Variants in ADRA1A observed in about 807,000 individuals in gnomAD.
ADRA1A encodes adrenoceptor alpha 1A.
In ADRA1A, 31 loss-of-function variants were observed where a neutral mutation model predicts 29.6. The ratio of observed to expected loss-of-function variants is 1.05; its 90% confidence interval spans 0.79 to 1.41. The LOEUF is 1.41. Among genes scored for constraint, ADRA1A ranks in the 40% most tolerant of loss-of-function variants. ADRA1A has a pLI of 0.00. For missense variants in ADRA1A, 619 were observed against 601.1 expected (o/e 1.03, Z -0.31); for synonymous variants, 311 against 254.3 (o/e 1.22, Z -2.12).
chr8:26,786,960 C>T (rs1807441240), intron 2 of ADRA1A, among the ~76,000 whole-genome samples: 1 of 152,064 alleles, frequency 6.6e-6, no homozygotes, highest in African/African-American at 2.4e-5. Context: ...CATTATGTGG[C>T]AGACATCATG....
downstream of ADRA1A, chr8:26,765,930 G>A: frequency 6.7e-6 from 10 of 1,489,330 alleles, no homozygotes; most frequent in Non-Finnish European, 8.0e-6. Flanking sequence ...GAAACCTACT[G>A]GGCCAGAAGG....
intron 2 of ADRA1A, among the ~76,000 whole-genome samples, chr8:26,808,525 A>C (rs541425321): frequency 6.6e-6 from 1 of 152,222 alleles, no homozygotes; most frequent in Non-Finnish European, 1.5e-5. Context: ...GATCACTTCT[A>C]TGCTGATGAC....
chr8:26,838,299 G>C (rs1811546349), intron 2 of ADRA1A, among the ~76,000 whole-genome samples: 1 of 152,136 alleles, frequency 6.6e-6, no homozygotes, highest in Non-Finnish European at 1.5e-5. Context: ...TATATCTGAA[G>C]AAGCCAAGTT....
downstream of ADRA1A, among the ~76,000 whole-genome samples, chr8:26,751,748 C>A (rs17055906): frequency 0.073 from 11,148 of 152,290 alleles, 417 homozygotes; most frequent in Middle Eastern, 0.11. Context: ...ATTGCAACAA[C>A]AACACCTAAG....
chr8:26,835,183 T>C (rs1232017693), intron 2 of ADRA1A, among the ~76,000 whole-genome samples: 1 of 152,220 alleles, frequency 6.6e-6, no homozygotes, highest in African/African-American at 2.4e-5. Flanking sequence ...GGGAACTGGC[T>C]ACTACTTTAG....
At chr8:26,840,627 G>A (rs959093670) in intron 2 of ADRA1A, among the ~76,000 whole-genome samples, 2 of 150,738 alleles carry the variant, frequency 1.3e-5, no homozygotes, top group African/African-American at 4.9e-5. Context: ...TTTGGCAAAA[G>A]AAAAATTTAA....
At chr8:26,766,741 C>T (rs1805813594), downstream of ADRA1A, among the ~76,000 whole-genome samples, 1 of 152,068 alleles carries the variant, frequency 6.6e-6, no homozygotes, top group Non-Finnish European at 1.5e-5. Context: ...TGGGCAAGTC[C>T]TTAACCTCTT....
chr8:26,838,422 T>G (rs916963898), intron 2 of ADRA1A, among the ~76,000 whole-genome samples: 1 of 152,190 alleles, frequency 6.6e-6, no homozygotes, highest in African/African-American at 2.4e-5. Context: ...GGACAATAAC[T>G]GGAATCTCTA....
At chr8:26,850,025 C>CAAAAACAAAACAACAAAAAACA (rs1812503283) in intron 2 of ADRA1A, among the ~76,000 whole-genome samples, 2 of 121,558 alleles carry the variant, frequency 1.6e-5, no homozygotes, top group Admixed American at 8.1e-5. Context: ...GAGAGAAATG[C>CAAAAACAAAACAACAAAAAACA]AAAAACAAAA....
At chr8:26,777,927 T>TG (rs1806672327) in intron 2 of ADRA1A, among the ~76,000 whole-genome samples, 1 of 152,290 alleles carries the variant, frequency 6.6e-6, no homozygotes, top group African/African-American at 2.4e-5. Context: ...ATGGTTACTG[T>TG]GAAAAACCAT....
Position 26,865,270 on chromosome 8 carries a change from A to C in ADRA1A, c.-301T>G. The C allele has an allele frequency of 8.0e-7, 1 of 1,244,618 alleles. No individual in the cohort carries two copies. The highest frequency in any genetic ancestry group is 1.0e-6 in the Non-Finnish European group (1 of 991,172). The allele number at this position is 1,244,618 out of a possible 1,614,324, so 77.1% of individuals were successfully genotyped here. On this transcript the variant is annotated 5_prime_UTR_variant, in exon 2 of 3. It removes the in-frame stop codon of an upstream open reading frame in the 5' UTR. Coordinates refer to ENST00000380573, the MANE Select transcript of ADRA1A (RefSeq NM_000680.4). This position sits in a 1 kb window ranked among gnomAD's most constrained non-coding sequence, Gnocchi z 7.6. ...AGCCCGGGACCCGGACTCCCTCCCT[A>C]CCCGAAGCTGGGTGCGAAGATCCAG...
intron 2 of ADRA1A, among the ~76,000 whole-genome samples, chr8:26,850,213 T>C (rs547598054): frequency 1.3e-5 from 2 of 152,198 alleles, no homozygotes; most frequent in African/African-American, 2.4e-5. Flanking sequence ...GTATATATAC[T>C]TTTTAATTTA....
intron 2 of ADRA1A, among the ~76,000 whole-genome samples, chr8:26,801,556 C>T (rs995678031): frequency 2.0e-5 from 3 of 151,926 alleles, no homozygotes; most frequent in African/African-American, 7.2e-5. Context: ...TAAACTTAAC[C>T]AAAGAAGTGA....
downstream of ADRA1A, among the ~76,000 whole-genome samples, chr8:26,766,784 G>T (rs988502699): frequency 6.6e-6 from 1 of 152,114 alleles, no homozygotes; most frequent in African/African-American, 2.4e-5. Context: ...TAAAATAGGG[G>T]TAGCAGAGTT....
At chr8:26,863,962 C>T in intron 2 of ADRA1A, 125 bp downstream of exon 2, 1 of 999,944 alleles carries the variant, frequency 1.0e-6, no homozygotes, top group Non-Finnish European at 1.4e-6. Flanking sequence ...TTCTAATTGC[C>T]CTAGAGCTGT....
chr8:26,757,738 G>A (rs1805269454), intron 2 of ADRA1A, among the ~76,000 whole-genome samples: 1 of 152,160 alleles, frequency 6.6e-6, no homozygotes, highest in African/African-American at 2.4e-5. Flanking sequence ...CCCACGCCAA[G>A]AGGTGTTCAT....
At chr8:26,779,856 T>C (rs950852757) in intron 2 of ADRA1A, among the ~76,000 whole-genome samples, 1 of 152,062 alleles carries the variant, frequency 6.6e-6, no homozygotes, top group Non-Finnish European at 1.5e-5. Context: ...TTCTTAATAA[T>C]ACACGGGCCA....
chr8:26,780,298 T>G (rs1806869808), intron 2 of ADRA1A, among the ~76,000 whole-genome samples: 1 of 152,130 alleles, frequency 6.6e-6, no homozygotes, highest in Non-Finnish European at 1.5e-5. Flanking sequence ...ATGCCTATGT[T>G]GGAGGCATTT....
downstream of ADRA1A, among the ~76,000 whole-genome samples, chr8:26,752,056 C>T (rs114820505): frequency 0.01 from 1,565 of 152,130 alleles, 26 homozygotes; most frequent in African/African-American, 0.035. Flanking sequence ...CAAAATGCCA[C>T]ACATCATGTG....
Sources: gnomAD v4.1 joint callset for allele counts (sites outside exome capture counted in the v4.1 genomes callset) on GRCh38, gnomAD v4.1.1 for gene constraint, Gnocchi (gnomAD v3.1) non-coding constraint, MANE v1.5 for transcripts, NCBI Gene and HGNC (gene_info 2026-07-23, HGNC 2026-07-21) for gene names.